The following TOX variants were observed in gnomAD, a reference collection of about 807,000 sequenced individuals.
TOX encodes thymocyte selection-associated high mobility group box protein TOX.
TOX carries 11 observed loss-of-function variants against 53.7 expected under a neutral mutation model. That is an observed-to-expected ratio of 0.20 (90% CI 0.13 to 0.34). TOX has a LOEUF of 0.34. TOX is among the 10% of genes least tolerant of loss of function. TOX has a pLI of 1.00. For missense variants in TOX, 570 were observed against 664.6 expected, an observed-to-expected ratio of 0.86 and a Z score of 1.56; for synonymous variants, 225 against 245.3, an observed-to-expected ratio of 0.92 and a Z score of 0.77.
chr8:58,899,256 T>C (rs951974364), intron 3 of TOX, among the ~76,000 whole-genome samples: 2 of 152,228 alleles, frequency 1.3e-5, no homozygotes, highest in Non-Finnish European at 2.9e-5. Flanking sequence ...TCTTATTCTT[T>C]AGCAGGGAAA....
intron 6 of TOX, among the ~76,000 whole-genome samples, chr8:58,820,781 G>A (rs1335828552): frequency 6.6e-6 from 1 of 152,148 alleles, no homozygotes; most frequent in Non-Finnish European, 1.5e-5. Flanking sequence ...AACTCTGGGA[G>A]CAATAATAAA....
At chr8:58,836,702 G>A (rs1810552166) in intron 5 of TOX, among the ~76,000 whole-genome samples, 1 of 152,160 alleles carries the variant, frequency 6.6e-6, no homozygotes, top group South Asian at 2.1e-4. Context: ...TTAGCAACTG[G>A]TTTTGTCATT....
Position 59,115,660 on chromosome 8 carries a change from T to C in TOX, c.102+3226A>G, listed in dbSNP as rs115775771. Reference sequence around the variant, plus strand: ...TTAGGCTGCAAGAGGTGAATACTGTTAACTCCAGCCTCCATGTGTCTGTCC... The same window carrying C: ...TTAGGCTGCAAGAGGTGAATACTGTCAACTCCAGCCTCCATGTGTCTGTCC... On this transcript the variant is annotated intron_variant, in intron 1 of 8. Coordinates refer to ENST00000361421, the MANE Select transcript of TOX (RefSeq NM_014729.3). 6.7e-3 allele frequency among the ~76,000 whole-genome samples: 1,028 copies of C among 152,306 alleles called. 16 individuals are homozygous for C. The highest frequency in any genetic ancestry group is 0.023 in the African/African-American group (949 of 41,556).
Position 58,991,230 on chromosome 8 carries a change from G to A in TOX, c.103-31222C>T, listed in dbSNP as rs544805168. 2.6e-5 allele frequency among the ~76,000 whole-genome samples: 4 copies of A among 152,282 alleles called. No individual in the cohort carries two copies. The South Asian group carries it at 8.3e-4, about 32-fold the overall frequency. ...GTGACGATAAAAATAGCTCCTAACT[G>A]TGCAATTCAAATTATCCTATTTAGT... On this transcript the variant is annotated intron_variant, in intron 1 of 8. Coordinates refer to ENST00000361421, the MANE Select transcript of TOX (RefSeq NM_014729.3).
intron 3 of TOX, among the ~76,000 whole-genome samples, chr8:58,927,244 G>T (rs945475830): frequency 6.6e-6 from 1 of 152,086 alleles, no homozygotes; most frequent in Admixed American, 6.6e-5. Flanking sequence ...TTAAAGAAGA[G>T]GGCAGAACTG....
chr8:59,003,671 T>C (rs1400585541), intron 1 of TOX, among the ~76,000 whole-genome samples: 2 of 152,224 alleles, frequency 1.3e-5, no homozygotes, highest in Non-Finnish European at 2.9e-5. Flanking sequence ...CCCTAAATGG[T>C]AAAATGAAAA....
intron 1 of TOX, among the ~76,000 whole-genome samples, chr8:59,110,144 G>C (rs915589329): frequency 6.6e-6 from 1 of 152,108 alleles, no homozygotes; most frequent in Non-Finnish European, 1.5e-5. Flanking sequence ...AGTCCATTAT[G>C]AACAGTCTTT....
At chr8:58,928,347 G>T (rs139415096) in intron 3 of TOX, among the ~76,000 whole-genome samples, 27 of 152,356 alleles carry the variant, frequency 1.8e-4, no homozygotes, top group Admixed American at 1.2e-3. Context: ...CCATGTGATA[G>T]TAGCTATTAA....
chr8:58,920,452 C>A (rs1812046639), intron 3 of TOX, among the ~76,000 whole-genome samples: 1 of 61,094 alleles, frequency 1.6e-5, no homozygotes, highest in Non-Finnish European at 3.1e-5. Flanking sequence ...TAAACTATCG[C>A]AAGAACAAAA....
chr8:58,851,435 CA>C lies in TOX; in HGVS notation c.693+88del. 1 of 1,446,084 alleles carries C rather than the reference CA, an allele frequency of 6.9e-7. No individual in the cohort carries two copies. Among genetic ancestry groups the C allele is most frequent in the Non-Finnish European group, 9.5e-7 (1 of 1,055,426 alleles). The allele number at this position is 1,446,084 out of a possible 1,614,324, so 89.6% of individuals were successfully genotyped here. On this transcript the variant is annotated intron_variant, in intron 4 of 8. Transcript: ENST00000361421. This position sits in a 1 kb window ranked among gnomAD's most constrained non-coding sequence, Gnocchi z 4.4. ...AGGTGTCTCCCTCCAATGTTTCTCG[CA>C]TGGATGATATAAACTTGTACCCAGC...
At chr8:59,092,890 A>T (rs1365175641) in intron 1 of TOX, among the ~76,000 whole-genome samples, 1 of 152,302 alleles carries the variant, frequency 6.6e-6, no homozygotes, top group South Asian at 2.1e-4. Flanking sequence ...CCTAGAACAG[A>T]GTAAGTGCCC....
chr8:58,835,626 A>G (rs1810532571), intron 5 of TOX, among the ~76,000 whole-genome samples: 1 of 152,224 alleles, frequency 6.6e-6, no homozygotes, highest in African/African-American at 2.4e-5. Flanking sequence ...CATCATAAGA[A>G]CATTATTCTT....
intron 3 of TOX, among the ~76,000 whole-genome samples, chr8:58,882,150 A>C (rs1811394380): frequency 6.6e-6 from 1 of 152,224 alleles, no homozygotes; most frequent in African/African-American, 2.4e-5. Context: ...TGTTAGGGAA[A>C]ATAAACACTT....
At chr8:58,880,769 G>A (rs2129170863) in intron 3 of TOX, among the ~76,000 whole-genome samples, 1 of 152,316 alleles carries the variant, frequency 6.6e-6, no homozygotes, top group East Asian at 1.9e-4. Context: ...GTGCTGTCCA[G>A]CTAAGTTATT....
intron 1 of TOX, among the ~76,000 whole-genome samples, chr8:59,034,737 A>G (rs995415826): frequency 6.6e-6 from 1 of 152,240 alleles, no homozygotes; most frequent in African/African-American, 2.4e-5. Context: ...GTAAGGGAAG[A>G]AAATGGCAAG....
At chr8:58,859,634 A>T (rs1010576672) in intron 3 of TOX, among the ~76,000 whole-genome samples, 1 of 152,194 alleles carries the variant, frequency 6.6e-6, no homozygotes, top group African/African-American at 2.4e-5. Context: ...TTCAGAGAAG[A>T]TTAAAACTGC....
chr8:59,062,649 C>G (rs1585995829), intron 1 of TOX, among the ~76,000 whole-genome samples: 1 of 152,208 alleles, frequency 6.6e-6, no homozygotes, highest in East Asian at 1.9e-4. Flanking sequence ...TATAGTTGTT[C>G]CCAGTGACAG....
At chr8:58,998,529 A>AAATTTATGTAATAAATT (rs1242406325) in intron 1 of TOX, among the ~76,000 whole-genome samples, 3 of 15,850 alleles carry the variant, frequency 1.9e-4, no homozygotes, top group Admixed American at 6.6e-4. Flanking sequence ...ATATATATAT[A>AAATTTATGTAATAAATT]TATATATATA....
At chr8:58,862,425 G>A (rs1167050792) in intron 3 of TOX, among the ~76,000 whole-genome samples, 2 of 152,032 alleles carry the variant, frequency 1.3e-5, no homozygotes, top group African/African-American at 4.8e-5. Context: ...TAAACTTTGA[G>A]TCACATAAGG....
Sources: allele counts gnomAD v4.1 joint callset (sites outside exome capture counted in the v4.1 genomes callset), GRCh38; gene constraint gnomAD v4.1.1; non-coding constraint Gnocchi (gnomAD v3.1); transcripts MANE v1.5; gene names NCBI Gene and HGNC (gene_info 2026-07-23, HGNC 2026-07-21).